Variants in ANKH observed in about 807,000 individuals in gnomAD.
The protein encoded by ANKH is ANKH inorganic pyrophosphate transport regulator.
A neutral mutation model predicts 49.0 loss-of-function variants in ANKH; 15 were observed. The ratio of observed to expected loss-of-function variants is 0.31; its 90% CI spans 0.20 to 0.47. The LOEUF (loss-of-function observed/expected upper bound fraction) is 0.47, where lower values mean the gene tolerates loss of function less well. ANKH is among the 20% of genes least tolerant of loss of function. ANKH has a pLI of 1.00. For synonymous variants in ANKH, 273 were observed against 260.0 expected, an observed-to-expected ratio of 1.05 and a Z score of -0.48; for missense variants, 429 against 652.0, an observed-to-expected ratio of 0.66 and a Z score of 3.72.
chr5:14,814,682 G>T (rs1250712986), intron 1 of ANKH, among the ~76,000 whole-genome samples: 2 of 152,170 alleles, frequency 1.3e-5, no homozygotes, highest in Non-Finnish European at 2.9e-5. Flanking sequence ...TTTTATTTCT[G>T]CAATTCAATA....
intron 1 of ANKH, among the ~76,000 whole-genome samples, chr5:14,810,437 G>A (rs567339831): frequency 6.6e-6 from 1 of 152,182 alleles, no homozygotes; most frequent in Admixed American, 6.5e-5. Context: ...GGGATTACAG[G>A]AGTGAGCCAC....
intron 1 of ANKH, among the ~76,000 whole-genome samples, chr5:14,854,521 C>G (rs1479233558): frequency 6.6e-6 from 1 of 151,934 alleles, no homozygotes; most frequent in Non-Finnish European, 1.5e-5. Flanking sequence ...CTCTACAAAA[C>G]AAAAACAAAA....
intron 8 of ANKH, among the ~76,000 whole-genome samples, chr5:14,724,991 G>A (rs1368177833): frequency 6.6e-6 from 1 of 152,064 alleles, no homozygotes; most frequent in Admixed American, 6.6e-5. Flanking sequence ...CAGCTGTTTT[G>A]AATAAAAATC....
At chr5:14,824,800 T>C (rs1161184660) in intron 1 of ANKH, among the ~76,000 whole-genome samples, 1 of 152,138 alleles carries the variant, frequency 6.6e-6, no homozygotes, top group East Asian at 1.9e-4. Flanking sequence ...TCAGGGGGCA[T>C]ATCAGTAGCC....
chr5:14,847,452 A>G (rs994552701), intron 1 of ANKH, among the ~76,000 whole-genome samples: 1 of 152,210 alleles, frequency 6.6e-6, no homozygotes, highest in African/African-American at 2.4e-5. Context: ...TGCAGCAAAG[A>G]CAAGGAGCAA....
intron 8 of ANKH, among the ~76,000 whole-genome samples, chr5:14,721,666 T>C (rs2126426620): frequency 6.6e-6 from 1 of 152,252 alleles, no homozygotes; most frequent in South Asian, 2.1e-4. Context: ...GCGTGGTGGC[T>C]CATGCCTGTA....
intron 1 of ANKH, among the ~76,000 whole-genome samples, chr5:14,850,572 G>T (rs970032093): frequency 2.6e-5 from 4 of 152,262 alleles, no homozygotes; most frequent in Non-Finnish European, 5.9e-5. Flanking sequence ...CCCCTCCGGG[G>T]TTCACGGTAA....
At chr5:14,783,958 C>T (rs1739892650) in intron 1 of ANKH, among the ~76,000 whole-genome samples, 1 of 152,216 alleles carries the variant, frequency 6.6e-6, no homozygotes, top group Non-Finnish European at 1.5e-5. Flanking sequence ...GCCCTTTCAC[C>T]TACTCGGGTA....
chr5:14,768,956 T>C lies in ANKH; in HGVS notation c.313+19A>G. ...AAATTGCCAAAGCTAGATTCGTCAG[T>C]GGCGGTCGGCGGCCTCACCTATCAG... On this transcript the variant is annotated intron_variant, in intron 2 of 11. Transcript: ENST00000284268. The C allele has an allele frequency of 1.2e-6, 2 of 1,612,608 alleles. No homozygotes were observed. The highest frequency in any genetic ancestry group is 1.7e-6 in the Non-Finnish European group (2 of 1,178,820).
At position 14,709,670 on chromosome 5, in the gene ANKH, A is replaced by G. The variant is rs1185010012; in HGVS notation, c.*1527T>C. Reference sequence around the variant, plus strand: ...TGACCCATTTATTCCCCAGTTACCCATAATGAAAAATAGTTCTGTCATTTA... The same window carrying G: ...TGACCCATTTATTCCCCAGTTACCCGTAATGAAAAATAGTTCTGTCATTTA... On this transcript the variant is annotated 3_prime_UTR_variant, in exon 12 of 12. Transcript: ENST00000284268. 1 of 152,578 alleles carries G rather than the reference A, an allele frequency of 6.6e-6. No homozygotes were observed. Among genetic ancestry groups the G allele is most frequent in the Non-Finnish European group, 1.5e-5 (1 of 68,038 alleles). 9.5% of individuals were successfully genotyped at this position (152,578 alleles called of 1,614,324 possible).
intron 1 of ANKH, chr5:14,797,976 G>T (rs1178060979): frequency 1.2e-5 from 18 of 1,563,148 alleles, no homozygotes; most frequent in Non-Finnish European, 1.6e-5. Context: ...AGGAGTCTTT[G>T]TTGTGATGAT....
intron 1 of ANKH, among the ~76,000 whole-genome samples, chr5:14,835,597 C>A (rs79561566): frequency 0.01 from 1,586 of 152,278 alleles, 29 homozygotes; most frequent in African/African-American, 0.036. Context: ...CTGGCAGATG[C>A]TCCTGCTGGC....
At chr5:14,740,940 G>A (rs964212210) in intron 8 of ANKH, among the ~76,000 whole-genome samples, 1 of 152,138 alleles carries the variant, frequency 6.6e-6, no homozygotes, top group African/African-American at 2.4e-5. Flanking sequence ...AGTTTCTACC[G>A]GATTTAATAG....
Position 14,770,559 on chromosome 5 carries a change from T to C in ANKH, c.97-1368A>G, listed in dbSNP as rs374623702. ...TATTATAATAAAAGTTTTATCAATG[T>C]GGTCTTTCTCTCAAAATATCTTACT... is the stretch of plus-strand genomic sequence containing the variant. On this transcript the variant is annotated intron_variant, in intron 1 of 11. Transcript: ENST00000284268. The surrounding 1 kb of genome is among the most constrained non-coding windows in gnomAD (Gnocchi z 4.1). 2.7e-4 allele frequency among the ~76,000 whole-genome samples: 41 copies of C among 152,328 alleles called. No individual in the cohort carries two copies. Among genetic ancestry groups the C allele is most frequent in the African/African-American group, 9.4e-4 (39 of 41,582 alleles).
chr5:14,852,819 G>A (rs757378118), intron 1 of ANKH, among the ~76,000 whole-genome samples: 1 of 152,154 alleles, frequency 6.6e-6, no homozygotes, highest in Non-Finnish European at 1.5e-5. Flanking sequence ...GCCCACTCAA[G>A]CTGTCCTGGG....
intron 7 of ANKH, among the ~76,000 whole-genome samples, chr5:14,742,201 C>G (rs1738383633): frequency 6.6e-6 from 1 of 152,198 alleles, no homozygotes; most frequent in Admixed American, 6.5e-5. Flanking sequence ...CTTGCCCAGT[C>G]CTGGGGCTTT....
At chr5:14,856,319 A>ACTAT (rs1465104864) in intron 1 of ANKH, among the ~76,000 whole-genome samples, 2 of 152,156 alleles carry the variant, frequency 1.3e-5, no homozygotes. Flanking sequence ...TCTTTGCAAT[A>ACTAT]CTATCATACA....
At chr5:14,801,116 G>A (rs567850339) in intron 1 of ANKH, among the ~76,000 whole-genome samples, 27 of 152,310 alleles carry the variant, frequency 1.8e-4, no homozygotes, top group Non-Finnish European at 3.7e-4. Context: ...GTCTGGAACC[G>A]AAGCCGCAAT....
chr5:14,798,598 G>A (rs1740466850), intron 1 of ANKH, among the ~76,000 whole-genome samples: 3 of 151,858 alleles, frequency 2.0e-5, no homozygotes. Context: ...GTCTCTTTGT[G>A]TCACATTTTG....
Sources: allele counts gnomAD v4.1 joint callset (sites outside exome capture counted in the v4.1 genomes callset), GRCh38; gene constraint gnomAD v4.1.1; non-coding constraint Gnocchi (gnomAD v3.1); transcripts MANE v1.5; gene names NCBI Gene and HGNC (gene_info 2026-07-23, HGNC 2026-07-21).